SOX6: variants seen among roughly 807,000 people sequenced by gnomAD.
SOX6 encodes SRY-box transcription factor 6.
In SOX6, 11 loss-of-function variants were observed where a neutral mutation model predicts 97.8. The observed-to-expected ratio is 0.11, with a 90% CI of 0.07 to 0.19. SOX6 has a LOEUF of 0.19. SOX6 is among the 10% of genes least tolerant of loss of function. SOX6 has a pLI of 1.00. For missense variants in SOX6, 810 were observed against 1,039.5 expected (o/e 0.78, Z 3.04); for synonymous variants, 360 against 371.4 (o/e 0.97, Z 0.35).
chr11:16,692,098 C>T (rs746381687), intron 3 of SOX6, among the ~76,000 whole-genome samples: 1,440 of 143,498 alleles, frequency 0.01, 28 homozygotes, highest in African/African-American at 0.035. Flanking sequence ...TGCGCGCGCG[C>T]GCTTTCTGAG....
At chr11:16,387,328 C>T (rs540883248) in intron 1 of SOX6, among the ~76,000 whole-genome samples, 1 of 152,092 alleles carries the variant, frequency 6.6e-6, no homozygotes, top group East Asian at 1.9e-4. Context: ...ATTGAAACCA[C>T]TATTCAAAAT....
At chr11:16,423,100 C>T (rs1234843009) in intron 1 of SOX6, among the ~76,000 whole-genome samples, 2 of 152,168 alleles carry the variant, frequency 1.3e-5, no homozygotes, top group East Asian at 1.9e-4. Flanking sequence ...ACCTGGCTAC[C>T]AGCTATCTTT....
chr11:16,095,975 C>A (rs1156426543), intron 9 of SOX6, 21 bp downstream of exon 9: 1 of 1,605,182 alleles, frequency 6.2e-7, no homozygotes, highest in Non-Finnish European at 8.5e-7. Context: ...CCCAATGAAG[C>A]ATCAATGGAA....
intron 12 of SOX6, among the ~76,000 whole-genome samples, chr11:16,019,186 T>C (rs1316777388): frequency 1.3e-5 from 2 of 152,086 alleles, no homozygotes; most frequent in Admixed American, 1.3e-4. Context: ...GGCCTCAAAT[T>C]ATTTCAACAT....
intron 4 of SOX6, among the ~76,000 whole-genome samples, chr11:16,485,931 G>A (rs1860421142): frequency 1.9e-5 from 1 of 52,948 alleles, no homozygotes; most frequent in Non-Finnish European, 3.4e-5. Flanking sequence ...GGGAGGGGAG[G>A]GGAGGGGAGA....
At chr11:16,200,071 T>C (rs1207030243) in intron 4 of SOX6, among the ~76,000 whole-genome samples, 2 of 152,308 alleles carry the variant, frequency 1.3e-5, no homozygotes, top group African/African-American at 2.4e-5. Context: ...TCACAGATGA[T>C]TGATAAATTA....
chr11:16,732,235 C>T (rs1452960571), intron 2 of SOX6, among the ~76,000 whole-genome samples: 1 of 152,046 alleles, frequency 6.6e-6, no homozygotes, highest in African/African-American at 2.4e-5. Flanking sequence ...TTAGAAAAAA[C>T]TACTTCGTTT....
At chr11:16,729,247 C>T (rs894264819) in intron 2 of SOX6, among the ~76,000 whole-genome samples, 7 of 152,016 alleles carry the variant, frequency 4.6e-5, no homozygotes, top group African/African-American at 1.7e-4. Context: ...AGATACTCCT[C>T]GAGAAGAGCA....
chr11:16,064,891 C>T (rs544807695), intron 9 of SOX6, among the ~76,000 whole-genome samples: 34 of 152,054 alleles, frequency 2.2e-4, no homozygotes, highest in African/African-American at 7.0e-4. Context: ...CCGTATATGA[C>T]AGACACACAG....
chr11:16,131,729 C>T (rs1334819659), intron 6 of SOX6, among the ~76,000 whole-genome samples: 1 of 151,966 alleles, frequency 6.6e-6, no homozygotes, highest in Admixed American at 6.6e-5. Flanking sequence ...CTATGGAATA[C>T]TACTTAGCAA....
At chr11:16,057,583 T>A (rs763909951) in intron 9 of SOX6, among the ~76,000 whole-genome samples, 2 of 152,166 alleles carry the variant, frequency 1.3e-5, no homozygotes, top group Non-Finnish European at 2.9e-5. Flanking sequence ...CTACTGCAGA[T>A]CTATGGCACT....
chr11:15,984,330 G>A (rs1346407534), intron 15 of SOX6, among the ~76,000 whole-genome samples: 1 of 152,038 alleles, frequency 6.6e-6, no homozygotes, highest in Non-Finnish European at 1.5e-5. Context: ...ATTACACCAA[G>A]GTATTAAAAC....
intron 14 of SOX6, among the ~76,000 whole-genome samples, chr11:15,987,735 T>A (rs531395363): frequency 4.7e-5 from 7 of 150,536 alleles, no homozygotes; most frequent in Non-Finnish European, 8.9e-5. Flanking sequence ...AAAAAAAATG[T>A]ATGTCCACTA....
intron 3 of SOX6, among the ~76,000 whole-genome samples, chr11:16,280,351 T>C (rs1325265011): frequency 6.8e-6 from 1 of 147,742 alleles, no homozygotes; most frequent in Non-Finnish European, 1.5e-5. Context: ...TTAAATAAAA[T>C]AGAAAGTTAT....
chr11:16,518,640 T>A (rs1861011572), intron 4 of SOX6, among the ~76,000 whole-genome samples: 1 of 152,092 alleles, frequency 6.6e-6, no homozygotes, highest in Admixed American at 6.6e-5. Context: ...CAAACAAACT[T>A]TATCCAGAAA....
At chr11:16,398,364 C>T (rs984711198) in intron 1 of SOX6, among the ~76,000 whole-genome samples, 2 of 151,462 alleles carry the variant, frequency 1.3e-5, no homozygotes, top group Admixed American at 6.6e-5. Flanking sequence ...AAAACCATAA[C>T]CATTCCCTGG....
At chr11:16,296,551 G>A (rs1855096211) in intron 3 of SOX6, among the ~76,000 whole-genome samples, 2 of 152,108 alleles carry the variant, frequency 1.3e-5, no homozygotes, top group Non-Finnish European at 2.9e-5. Flanking sequence ...AGGAGCAGCT[G>A]TTTATGTGTA....
At chr11:16,651,014 G>A (rs1196210145) in intron 3 of SOX6, among the ~76,000 whole-genome samples, 2 of 151,946 alleles carry the variant, frequency 1.3e-5, no homozygotes, top group Non-Finnish European at 2.9e-5. Context: ...ATACAAACCA[G>A]AAAATTTAGA....
At chr11:16,592,725 A>C (rs1848167813) in intron 4 of SOX6, among the ~76,000 whole-genome samples, 1 of 152,130 alleles carries the variant, frequency 6.6e-6, no homozygotes, top group Non-Finnish European at 1.5e-5. Context: ...TGGCATTTAA[A>C]TTGCAGAAAC....
Sources: gnomAD v4.1 joint callset for allele counts (sites outside exome capture counted in the v4.1 genomes callset) on GRCh38, gnomAD v4.1.1 for gene constraint, MANE v1.5 for transcripts, NCBI Gene and HGNC (gene_info 2026-07-23, HGNC 2026-07-21) for gene names.